TBC1D15: variants seen among roughly 807,000 people sequenced by gnomAD.
The protein encoded by TBC1D15 is GAP for RAB7.
A neutral mutation model predicts 95.4 loss-of-function variants in TBC1D15; 39 were observed. The ratio of observed to expected loss-of-function variants is 0.41; its 90% confidence interval spans 0.32 to 0.53. The LOEUF is 0.53. TBC1D15 is among the 20% of genes least tolerant of loss of function. The pLI, the probability that TBC1D15 is intolerant of heterozygous loss-of-function variation, is 0.29. For synonymous variants in TBC1D15, 258 were observed against 261.3 expected (o/e 0.99, Z 0.12); for missense variants, 733 against 794.3 (o/e 0.92, Z 0.93).
intron 4 of TBC1D15, among the ~76,000 whole-genome samples, chr12:71,881,651 C>G (rs1327165062): frequency 6.6e-6 from 1 of 152,164 alleles, no homozygotes; most frequent in African/African-American, 2.4e-5. Flanking sequence ...GGCGCGGTGG[C>G]TCACTCCTGT....
intron 10 of TBC1D15, among the ~76,000 whole-genome samples, chr12:71,904,960 G>A (rs935581644): frequency 1.6e-4 from 25 of 152,294 alleles, no homozygotes; most frequent in Non-Finnish European, 1.3e-4. Flanking sequence ...ACGTGGTTGT[G>A]TTTTTCTTCA....
chr12:71,884,898 G>A lies in TBC1D15; in HGVS notation c.431G>A (p.Gly144Asp), dbSNP rs1221960321. Residue 144 changes from glycine to aspartate, a missense_variant, in exon 5 of 17, where the codon GGT (glycine) becomes GAT (aspartate). Physicochemically the swap from Gly to Asp is moderately conservative, Grantham distance 94. Coordinates refer to ENST00000485960, the MANE Select transcript of TBC1D15 (RefSeq NM_001146213.3). ...AAATCAATCAAGCAAAACAAAGAGG[G>A]TATGGGCTGGTCCTATTTGGTATTC... ...DLKSIKQNKE[G>D]MGWSYLVFCL... 1.9e-6 allele frequency: 3 copies of A among 1,614,048 alleles called. No homozygotes were observed. Among genetic ancestry groups the A allele is most frequent in the Non-Finnish European group, 2.5e-6 (3 of 1,179,960 alleles).
intron 1 of TBC1D15, among the ~76,000 whole-genome samples, chr12:71,867,615 A>G (rs896677787): frequency 6.6e-6 from 1 of 152,236 alleles, no homozygotes; most frequent in Non-Finnish European, 1.5e-5. Flanking sequence ...CCCCACTCCA[A>G]ATACCTGAAA....
chr12:71,900,148 AAATTG>A (rs1414970167), intron 10 of TBC1D15, among the ~76,000 whole-genome samples: 2 of 152,084 alleles, frequency 1.3e-5, no homozygotes, highest in Non-Finnish European at 2.9e-5. Flanking sequence ...GGGTATGGTG[AAATTG>A]AATTAAGTGT....
chr12:71,842,136 GTC>G (rs1885176730), intron 1 of TBC1D15, among the ~76,000 whole-genome samples: 1 of 152,164 alleles, frequency 6.6e-6, no homozygotes, highest in East Asian at 1.9e-4. Context: ...GTCTCTCAGT[GTC>G]TCCACCTAGG....
intron 11 of TBC1D15, among the ~76,000 whole-genome samples, chr12:71,908,693 G>A (rs2138925960): frequency 6.6e-6 from 1 of 152,282 alleles, no homozygotes; most frequent in East Asian, 1.9e-4. Context: ...GCTTCAGATT[G>A]AATTGTTGCA....
At chr12:71,877,193 T>C (rs186293139) in intron 3 of TBC1D15, among the ~76,000 whole-genome samples, 2 of 143,744 alleles carry the variant, frequency 1.4e-5, no homozygotes, top group Admixed American at 1.4e-4. Context: ...TCCCATGTTA[T>C]GTGTGTGTGT....
chr12:71,845,225 T>A (rs939256177), intron 1 of TBC1D15, among the ~76,000 whole-genome samples: 3 of 152,136 alleles, frequency 2.0e-5, no homozygotes, highest in Non-Finnish European at 2.9e-5. Flanking sequence ...AGTCAGAAGA[T>A]TTTTAAGCCC....
At chr12:71,864,037 G>T (rs181352556) in intron 1 of TBC1D15, among the ~76,000 whole-genome samples, 46 of 150,956 alleles carry the variant, frequency 3.0e-4, no homozygotes, top group Admixed American at 7.9e-4. Context: ...TGCTACTAGA[G>T]AATTGTTATG....
chr12:71,897,845 AG>A lies in TBC1D15; in HGVS notation c.1089-1del. ...TCTTTGATGTCAAATTGTTTTCTAT[AG>A]TGATGAATACTTCAGAATGAAACTG... On this transcript the variant is annotated splice_acceptor_variant, in intron 9 of 16. Coordinates refer to ENST00000485960, the MANE Select transcript of TBC1D15 (RefSeq NM_001146213.3). LOFTEE classifies it high-confidence loss of function. 6.2e-7 allele frequency: 1 copy of A among 1,609,154 alleles called. No individual in the cohort carries two copies. Among genetic ancestry groups the A allele is most frequent in the Non-Finnish European group, 8.5e-7 (1 of 1,176,630 alleles).
At chr12:71,904,286 G>C (rs1169492766) in intron 10 of TBC1D15, among the ~76,000 whole-genome samples, 1 of 152,162 alleles carries the variant, frequency 6.6e-6, no homozygotes, top group Non-Finnish European at 1.5e-5. Flanking sequence ...TGGAGATTTT[G>C]ATTAAAGAAG....
chr12:71,878,452 G>C (rs938383849), intron 3 of TBC1D15, among the ~76,000 whole-genome samples: 1 of 151,866 alleles, frequency 6.6e-6, no homozygotes, highest in Non-Finnish European at 1.5e-5. Context: ...GAGTACTCTT[G>C]TAGATGCTTC....
Position 71,909,499 on chromosome 12 carries a change from G to C in TBC1D15, c.1300+2361G>C, listed in dbSNP as rs550254684. ...ATACTACAGAAAGTTTCTGTGGGTG[G>C]TATCATTGCAGGGTATGTAATGGTG... On this transcript the variant is annotated intron_variant, in intron 11 of 16. Transcript: ENST00000485960. Among the ~76,000 whole-genome samples the C allele has an allele frequency of 1.2e-4, 18 of 152,266 alleles. No homozygotes were observed. In the South Asian group the frequency reaches 3.7e-3, roughly 32 times the overall value.
At chr12:71,882,726 C>G (rs1895456805) in intron 4 of TBC1D15, among the ~76,000 whole-genome samples, 1 of 152,136 alleles carries the variant, frequency 6.6e-6, no homozygotes, top group African/African-American at 2.4e-5. Flanking sequence ...GATAGTTCAT[C>G]TTTGACTACT....
intron 1 of TBC1D15, among the ~76,000 whole-genome samples, chr12:71,866,951 CAT>C (rs1052993776): frequency 3.9e-5 from 6 of 152,114 alleles, no homozygotes; most frequent in Admixed American, 3.3e-4. Context: ...TTAATAAACA[CAT>C]GTGCTTAGAC....
At chr12:71,850,078 T>C (rs1365639720) in intron 1 of TBC1D15, 6 of 519,200 alleles carry the variant, frequency 1.2e-5, no homozygotes, top group African/African-American at 9.8e-5. Context: ...TGAGTTTAAA[T>C]TATGATAATC....
chr12:71,867,906 A>G (rs1056642856), intron 1 of TBC1D15, among the ~76,000 whole-genome samples: 23 of 152,240 alleles, frequency 1.5e-4, no homozygotes, highest in African/African-American at 2.9e-4. Flanking sequence ...AGTTAAAACA[A>G]TTATCACTAA....
intron 4 of TBC1D15, among the ~76,000 whole-genome samples, chr12:71,883,895 T>C (rs550508418): frequency 9.2e-5 from 14 of 152,302 alleles, no homozygotes; most frequent in African/African-American, 3.4e-4. Context: ...TTCAGTTTTT[T>C]ATTTAAATTG....
At position 71,877,030 on chromosome 12, in the gene TBC1D15, C is replaced by T. The variant is rs189155592; in HGVS notation, c.205-3439C>T. Among the ~76,000 whole-genome samples the T allele has an allele frequency of 2.0e-3, 303 of 151,994 alleles. 1 individual carries two copies. Among genetic ancestry groups the T allele is most frequent in the African/African-American group, 6.8e-3 (280 of 41,480 alleles). The stretch of plus-strand genomic sequence containing the variant: ...TTCACCATGTTGGCCAGGCTGGTCT[C>T]GAATCCCTGACCTCAAGTGATCTGT... On this transcript the variant is annotated intron_variant, in intron 3 of 16. Coordinates refer to ENST00000485960, the MANE Select transcript of TBC1D15 (RefSeq NM_001146213.3).
Sources: gnomAD v4.1 joint callset for allele counts (sites outside exome capture counted in the v4.1 genomes callset) on GRCh38, gnomAD v4.1.1 for gene constraint, MANE v1.5 for transcripts, NCBI Gene and HGNC (gene_info 2026-07-23, HGNC 2026-07-21) for gene names.